The following MAN1B1 variants were observed in gnomAD, a reference collection of about 807,000 sequenced individuals.
The protein encoded by MAN1B1 is mannosidase alpha class 1B member 1, also known as endoplasmic reticulum mannosyl-oligosaccharide 1,2-alpha-mannosidase.
Under a neutral mutation model 75.5 loss-of-function variants are expected in MAN1B1, and 66 were observed. The observed-to-expected ratio is 0.87, with a 90% CI of 0.72 to 1.07. MAN1B1 has a LOEUF of 1.07. MAN1B1 is among the 50% of genes least tolerant of loss of function. The probability of loss-of-function intolerance (pLI) is 0.00; values close to 1 mark genes in which losing one functional copy is unlikely to be tolerated. For missense variants in MAN1B1, 973 were observed against 912.5 expected (o/e 1.07, Z -0.85); for synonymous variants, 453 against 382.8 (o/e 1.18, Z -2.14).
chr9:137,095,542 G>A (rs1041998203), intron 3 of MAN1B1, among the ~76,000 whole-genome samples: 10 of 152,116 alleles, frequency 6.6e-5, no homozygotes, highest in African/African-American at 2.4e-4. Flanking sequence ...AACATAAGGA[G>A]ACCCTGTCTC....
chr9:137,093,152 C>T (rs530604340), intron 3 of MAN1B1, among the ~76,000 whole-genome samples: 7 of 151,690 alleles, frequency 4.6e-5, no homozygotes, highest in East Asian at 2.0e-4. Context: ...TTTGGGAGGC[C>T]GAGGCAGGCG....
intron 8 of MAN1B1, chr9:137,103,022 C>A: frequency 2.4e-6 from 1 of 419,298 alleles, no homozygotes; most frequent in Non-Finnish European, 4.6e-6. Flanking sequence ...GCGTGCAGGT[C>A]GGTGGTGTTA....
chr9:137,087,743 C>T (rs1477887598), intron 1 of MAN1B1, among the ~76,000 whole-genome samples: 2 of 152,248 alleles, frequency 1.3e-5, no homozygotes, highest in African/African-American at 4.8e-5. Context: ...AGAAATGTTT[C>T]TGCTTTTTTC....
chr9:137,102,080 GTGT>G (rs1233232706), intron 8 of MAN1B1: 3 of 437,550 alleles, frequency 6.9e-6, no homozygotes, highest in East Asian at 6.9e-5. Flanking sequence ...CAGGTCGGTG[GTGT>G]TACATGCTGT....
chr9:137,100,089 A>C (rs1023496584), intron 6 of MAN1B1, among the ~76,000 whole-genome samples: 1 of 152,232 alleles, frequency 6.6e-6, no homozygotes, highest in East Asian at 1.9e-4. Flanking sequence ...CGCTGTCCCC[A>C]GACCTCTGCA....
rs552992991 is a variant in MAN1B1 at position 137,087,116 on chromosome 9, A to C, written c.117A>C (p.Pro39=). The change falls in exon 1 of 13, where the codon CCA becomes CCC. Residue 39 remains proline, a synonymous_variant. Coordinates refer to ENST00000371589, the MANE Select transcript of MAN1B1 (RefSeq NM_016219.5). ...WAVATTVVMY[P]PPPPPPHRDF... ...TCGCCACCACTGTAGTCATGTACCC[A>C]CCGCCGCCGCCGCCGCCTCATCGGG... The C allele has an allele frequency of 1.3e-6, 2 of 1,587,902 alleles. No homozygotes were observed. Among genetic ancestry groups the C allele is most frequent in the East Asian group, 2.3e-5 (1 of 43,866 alleles).
chr9:137,107,081 G>T, intron 10 of MAN1B1, 169 bp from the exon 11 acceptor site: 2 of 797,132 alleles, frequency 2.5e-6, no homozygotes, highest in Non-Finnish European at 3.9e-6. Flanking sequence ...CCGGGTTGGA[G>T]GGCCTGGTCC....
chr9:137,096,508 C>T, intron 4 of MAN1B1, 117 bp downstream of exon 4: 2 of 1,337,920 alleles, frequency 1.5e-6, no homozygotes, highest in East Asian at 2.5e-5. Context: ...ACAGTGTATG[C>T]TCTGTAATCT....
Position 137,089,241 on chromosome 9 carries a change from A to G in MAN1B1, c.465+236A>G, listed in dbSNP as rs115944822. ...TTTACTTCTGACTGTGCAGTGTTGA[A>G]TAAGACAGACCTGTTTCCTCTCAAG... On this transcript the variant is annotated intron_variant, in intron 3 of 12. Transcript: ENST00000371589. The G allele has an allele frequency of 5.1e-3, 2,976 of 578,094 alleles. 26 individuals carry two copies. The highest frequency in any genetic ancestry group is 0.024 in the African/African-American group (1,285 of 53,868). The allele number at this position is 578,094 out of a possible 1,614,324, so 35.8% of individuals were successfully genotyped here.
Position 137,107,456 on chromosome 9 carries a change from G to C in MAN1B1, c.1764+9G>C, listed in dbSNP as rs377406887. ...GGGACGTGGAGGTCAAGGTGGGCCT[G>C]GGCCTGGGTCAGGGTCCATCAGGAG... is the stretch of plus-strand genomic sequence containing the variant. On this transcript the variant is annotated intron_variant, in intron 11 of 12. Coordinates refer to ENST00000371589, the MANE Select transcript of MAN1B1 (RefSeq NM_016219.5). 77 of 1,613,308 alleles carry C rather than the reference G, an allele frequency of 4.8e-5. No individual in the cohort carries two copies. The highest frequency in any genetic ancestry group is 4.0e-4 in the East Asian group (18 of 44,876).
chr9:137,104,683 C>G (rs936722105), intron 8 of MAN1B1: 2 of 164,580 alleles, frequency 1.2e-5, no homozygotes, highest in Admixed American at 1.1e-4. Context: ...GACACCAGGA[C>G]TGTGCTGTTT....
intron 3 of MAN1B1, 111 bp downstream of exon 3, chr9:137,089,116 T>C: frequency 1.5e-6 from 2 of 1,332,158 alleles, no homozygotes; most frequent in Non-Finnish European, 2.2e-6. Flanking sequence ...ACCACGTGTT[T>C]ACCTCTCTCT....
At position 137,088,877 on chromosome 9, in the gene MAN1B1, T is replaced by C. The variant is rs147529965; in HGVS notation, c.337T>C (p.Phe113Leu). 2.5e-4 allele frequency: 399 copies of C among 1,613,970 alleles called. 1 individual carries two copies. In the African/African-American group the frequency reaches 5.1e-3, roughly 21 times the overall value. The change falls in exon 3 of 13, where the codon TTC becomes CTC. Residue 113 changes from phenylalanine to leucine, a missense_variant. Coordinates refer to ENST00000371589, the MANE Select transcript of MAN1B1 (RefSeq NM_016219.5). ...TAGCTTCTGTTATTCAGCTCTGGCT[T>C]TCAGGCTAGAGGAAGAGCAGAAGAT... is the stretch of plus-strand genomic sequence containing the variant. ...NLADHWKALAFRLEEEQKMRP... is the reference protein window; with the variant it reads ...NLADHWKALALRLEEEQKMRP...
intron 3 of MAN1B1, among the ~76,000 whole-genome samples, chr9:137,092,529 A>G (rs1830543908): frequency 1.3e-5 from 2 of 151,760 alleles, no homozygotes. Flanking sequence ...GCTCTTCTCC[A>G]TTGCTTGGAT....
At chr9:137,098,905 C>G (rs967309689) in intron 5 of MAN1B1, among the ~76,000 whole-genome samples, 2 of 152,186 alleles carry the variant, frequency 1.3e-5, no homozygotes, top group African/African-American at 2.4e-5. Context: ...TGTCACTTCA[C>G]TGCAACGTCT....
At chr9:137,102,881 CTG>C (rs1830912713) in intron 8 of MAN1B1, 3 of 420,866 alleles carry the variant, frequency 7.1e-6, no homozygotes, top group African/African-American at 5.0e-5. Flanking sequence ...TACATTCATG[CTG>C]TTGCAGGCGT....
At position 137,087,229 on chromosome 9, in the gene MAN1B1, C is replaced by T; in HGVS notation, c.219+11C>T. The T allele has an allele frequency of 1.3e-6, 2 of 1,564,688 alleles. No homozygotes were observed. Among genetic ancestry groups the T allele is most frequent in the Non-Finnish European group, 1.7e-6 (2 of 1,155,042 alleles). On this transcript the variant is annotated intron_variant, in intron 1 of 12. Transcript: ENST00000371589. ...CGCTCGTGCTGGAGGGTGAGGGTCG[C>T]GCCGGGCTGACTGGGGCCCGGGGCT...
chr9:137,108,356 C>T (rs544937196), intron 12 of MAN1B1, 32 bp from the exon 13 acceptor site: 139 of 1,586,438 alleles, frequency 8.8e-5, no homozygotes, highest in East Asian at 6.5e-4. Context: ...GGGTGCCCCC[C>T]GTGTGGTGAC....
In MAN1B1 at chr9:137,087,099, A is replaced by C. The variant is rs754790007; in HGVS notation, c.100A>C (p.Thr34Pro). The change falls in exon 1 of 13, where the codon ACT (threonine) becomes CCT (proline). Residue 34 changes from threonine (T) to proline (P), a missense_variant. Thr to Pro is a conservative substitution (Grantham distance 38). Coordinates refer to ENST00000371589, the MANE Select transcript of MAN1B1 (RefSeq NM_016219.5). ...VGGAPWAVAT[T>P]VVMYPPPPPP... ...CGGGGCCCCTTGGGCCGTCGCCACC[A>C]CTGTAGTCATGTACCCACCGCCGCC... The C allele has an allele frequency of 6.3e-7, 1 of 1,598,060 alleles. No individual in the cohort carries two copies. Among genetic ancestry groups the C allele is most frequent in the Non-Finnish European group, 8.5e-7 (1 of 1,174,426 alleles).
Sources: allele counts gnomAD v4.1 joint callset (sites outside exome capture counted in the v4.1 genomes callset), GRCh38; gene constraint gnomAD v4.1.1; transcripts MANE v1.5; gene names NCBI Gene and HGNC (gene_info 2026-07-23, HGNC 2026-07-21).